The following IMMP2L variants were observed in gnomAD, a reference collection of about 807,000 sequenced individuals.
The protein encoded by IMMP2L is inner mitochondrial membrane peptidase subunit 2.
IMMP2L carries 18 observed loss-of-function variants against 19.3 expected under a neutral mutation model. The ratio of observed to expected loss-of-function variants is 0.93; its 90% CI spans 0.64 to 1.38. IMMP2L has a LOEUF of 1.38. Among genes scored for constraint, IMMP2L ranks in the 40% most tolerant of loss-of-function variants. IMMP2L has a pLI of 0.00. For synonymous variants in IMMP2L, 76 were observed against 73.0 expected, an observed-to-expected ratio of 1.04 and a Z score of -0.21; for missense variants, 233 against 218.2, an observed-to-expected ratio of 1.07 and a Z score of -0.43.
At chr7:111,507,551 G>A (rs1341855953) in intron 2 of IMMP2L, among the ~76,000 whole-genome samples, 1 of 152,006 alleles carries the variant, frequency 6.6e-6, no homozygotes, top group Non-Finnish European at 1.5e-5. Context: ...ACAGTTGTTT[G>A]CCATTTGTCC....
chr7:111,249,070 C>T (rs1175036727), intron 3 of IMMP2L, among the ~76,000 whole-genome samples: 1 of 53,382 alleles, frequency 1.9e-5, no homozygotes. Flanking sequence ...TTCCCGGCTG[C>T]TTTGTTTACC....
At chr7:111,560,806 G>A (rs567790382) in intron 1 of IMMP2L, among the ~76,000 whole-genome samples, 1 of 152,262 alleles carries the variant, frequency 6.6e-6, no homozygotes, top group East Asian at 1.9e-4. Context: ...ATCAATGAAG[G>A]AACCCATTAT....
At chr7:111,394,236 T>C (rs1030156651) in intron 3 of IMMP2L, among the ~76,000 whole-genome samples, 1 of 152,046 alleles carries the variant, frequency 6.6e-6, no homozygotes, top group African/African-American at 2.4e-5. Context: ...GAATCTTAGG[T>C]TTGATAAATA....
rs538750208 is a variant in IMMP2L at position 110,902,768 on chromosome 7, C to CAA, written c.306-16075_306-16074dup. ...TGAAACCCCGTCTCTACTAAAAATA[C>CAA]AAAAAAAAAAAAAATTAGCCGGGCG... On this transcript the variant is annotated intron_variant, in intron 4 of 5. Transcript: ENST00000405709. Among the ~76,000 whole-genome samples, 6 of 71,200 alleles carry CAA rather than the reference C, an allele frequency of 8.4e-5. 1 individual carries two copies. Among genetic ancestry groups the CAA allele is most frequent in the African/African-American group, 4.1e-4 (6 of 14,486 alleles). 46.7% of individuals were successfully genotyped at this position (71,200 alleles called of 152,430 possible). A position where few individuals can be genotyped will look rare whatever the true frequency, so the allele number is the denominator to read the frequency against.
intron 5 of IMMP2L, among the ~76,000 whole-genome samples, chr7:110,667,118 C>T (rs1584444100): frequency 6.6e-6 from 1 of 152,172 alleles, no homozygotes; most frequent in Non-Finnish European, 1.5e-5. Flanking sequence ...GATCCATCTG[C>T]CTTGGCCTCC....
chr7:110,964,936 A>G (rs1448051363), intron 3 of IMMP2L, among the ~76,000 whole-genome samples: 1 of 152,022 alleles, frequency 6.6e-6, no homozygotes, highest in Non-Finnish European at 1.5e-5. Context: ...TCAAGTCTTC[A>G]GAGACTGTGG....
intron 1 of IMMP2L, among the ~76,000 whole-genome samples, chr7:111,537,198 C>T (rs933545460): frequency 6.6e-6 from 1 of 151,744 alleles, no homozygotes; most frequent in Non-Finnish European, 1.5e-5. Context: ...TGAGATAAGG[C>T]TAAAAGGGCC....
chr7:111,468,581 T>C (rs890656320), intron 3 of IMMP2L, among the ~76,000 whole-genome samples: 1 of 152,040 alleles, frequency 6.6e-6, no homozygotes, highest in Non-Finnish European at 1.5e-5. Context: ...CTAGGACTCA[T>C]ATGCAATATA....
At chr7:111,116,384 C>A (rs576465722) in intron 3 of IMMP2L, among the ~76,000 whole-genome samples, 1 of 152,244 alleles carries the variant, frequency 6.6e-6, no homozygotes, top group Admixed American at 6.5e-5. Context: ...CTCAAAATAT[C>A]AGATTTGAGA....
intron 5 of IMMP2L, among the ~76,000 whole-genome samples, chr7:110,850,136 A>T (rs1806052827): frequency 6.6e-6 from 1 of 152,062 alleles, no homozygotes; most frequent in Non-Finnish European, 1.5e-5. Flanking sequence ...TCAGAAAATA[A>T]ATAAGAAAAA....
At chr7:111,528,437 T>C in intron 1 of IMMP2L, among the ~76,000 whole-genome samples, 1 of 152,322 alleles carries the variant, frequency 6.6e-6, no homozygotes, top group African/African-American at 2.4e-5. Flanking sequence ...GTACACCCAG[T>C]TCATTGTTGA....
chr7:111,108,504 C>G (rs917468660), intron 3 of IMMP2L, among the ~76,000 whole-genome samples: 2 of 152,000 alleles, frequency 1.3e-5, no homozygotes, highest in Admixed American at 1.3e-4. Context: ...AAAACTATAT[C>G]TCAAGTAAAA....
chr7:111,264,957 G>A (rs1275904783), intron 3 of IMMP2L, among the ~76,000 whole-genome samples: 2 of 152,008 alleles, frequency 1.3e-5, no homozygotes, highest in African/African-American at 4.8e-5. Flanking sequence ...ATCTTTACCT[G>A]CATCTTTGTT....
intron 5 of IMMP2L, among the ~76,000 whole-genome samples, chr7:110,721,633 G>T (rs759665941): frequency 6.6e-6 from 1 of 152,074 alleles, no homozygotes; most frequent in African/African-American, 2.4e-5. Context: ...GAACATTTCA[G>T]TCTCTTCAAT....
At chr7:111,137,611 A>G (rs1245154589) in intron 3 of IMMP2L, among the ~76,000 whole-genome samples, 1 of 152,226 alleles carries the variant, frequency 6.6e-6, no homozygotes, top group Admixed American at 6.5e-5. Context: ...TTGAGGAATA[A>G]AAATATTAAA....
intron 3 of IMMP2L, among the ~76,000 whole-genome samples, chr7:111,050,978 G>A (rs1792950180): frequency 6.6e-6 from 1 of 152,168 alleles, no homozygotes; most frequent in African/African-American, 2.4e-5. Context: ...TGACTTAAGA[G>A]TTGCTGGGAA....
intron 5 of IMMP2L, among the ~76,000 whole-genome samples, chr7:110,812,584 A>AC (rs1802122890): frequency 2.6e-5 from 4 of 152,056 alleles, no homozygotes; most frequent in Admixed American, 2.6e-4. Flanking sequence ...TTCTAATGAA[A>AC]CCAGGCTCAG....
rs371611052 is a variant in IMMP2L at position 111,441,435 on chromosome 7, T to C, written c.239+45803A>G. 2.2e-4 allele frequency among the ~76,000 whole-genome samples: 34 copies of C among 151,620 alleles called. 1 individual carries two copies. The highest frequency in any genetic ancestry group is 1.7e-3 in the East Asian group (9 of 5,162). ...GTAAGCCCAAGGGGAGGGAGAGAGATGGAGGAACTGCAGGTCGGTGGAGGT... is the reference window on the plus strand; with the variant it reads ...GTAAGCCCAAGGGGAGGGAGAGAGACGGAGGAACTGCAGGTCGGTGGAGGT... On this transcript the variant is annotated intron_variant, in intron 3 of 5. Transcript: ENST00000405709.
At chr7:111,270,920 C>T (rs755559665) in intron 3 of IMMP2L, among the ~76,000 whole-genome samples, 3 of 152,096 alleles carry the variant, frequency 2.0e-5, no homozygotes, top group Admixed American at 1.3e-4. Flanking sequence ...GTGTAAAGTA[C>T]AGTCTCAGGA....
Sources: gnomAD v4.1 joint callset for allele counts (sites outside exome capture counted in the v4.1 genomes callset) on GRCh38, gnomAD v4.1.1 for gene constraint, MANE v1.5 for transcripts, NCBI Gene and HGNC (gene_info 2026-07-23, HGNC 2026-07-21) for gene names.